Variants in PDE1B observed in about 807,000 individuals in gnomAD.
The protein encoded by PDE1B is dual specificity calcium/calmodulin-dependent 3',5'-cyclic nucleotide phosphodiesterase 1B.
PDE1B carries 13 observed loss-of-function variants against 66.7 expected under a neutral mutation model. The ratio of observed to expected loss-of-function variants is 0.19; its 90% confidence interval spans 0.13 to 0.31. PDE1B has a LOEUF of 0.31. Among genes scored for constraint, PDE1B ranks in the 10% least tolerant of loss-of-function variants. The pLI, the probability that PDE1B is intolerant of heterozygous loss-of-function variation, is 1.00. For synonymous variants in PDE1B, 230 were observed against 253.9 expected, an observed-to-expected ratio of 0.91 and a Z score of 0.90; for missense variants, 485 against 682.3, an observed-to-expected ratio of 0.71 and a Z score of 3.22.
rs957774627 is a variant in PDE1B at position 54,575,240 on chromosome 12, C to T, written c.1185+22C>T. ...TCAGGTAGCGTGGCATCTTTGCCTT[C>T]CCTGTGCCTATGGGGGCCTTCTCTC... On this transcript the variant is annotated intron_variant, in intron 11 of 15. Coordinates refer to ENST00000243052, the MANE Select transcript of PDE1B (RefSeq NM_000924.4). The surrounding 1 kb of genome is among the most constrained non-coding windows in gnomAD (Gnocchi z 4.0). 1.2e-6 allele frequency: 2 copies of T among 1,609,294 alleles called. No homozygotes were observed. Among genetic ancestry groups the T allele is most frequent in the East Asian group, 4.5e-5 (2 of 44,788 alleles).
intron 2 of PDE1B, among the ~76,000 whole-genome samples, chr12:54,559,579 AAAT>A (rs926821060): frequency 2.5e-4 from 38 of 152,272 alleles, no homozygotes; most frequent in Admixed American, 2.0e-3. Context: ...TAGGAAGAGT[AAAT>A]AATAATAACA....
chr12:54,577,779 G>A, intron 15 of PDE1B, 81 bp from the exon 16 acceptor site: 3 of 425,184 alleles, frequency 7.1e-6, no homozygotes, highest in African/African-American at 2.0e-5. Context: ...GACTGAGTGG[G>A]GATCAGGACT....
rs1283608528 is a variant in PDE1B, at chr12:54,579,182, G to T, written c.*1340G>T. Reference sequence around the variant, plus strand: ...GCAGAGACGCATGTGACTCACCCCTGCCCTTGGTTTCCCAGACCCCTGCTA... The same window carrying T: ...GCAGAGACGCATGTGACTCACCCCTTCCCTTGGTTTCCCAGACCCCTGCTA... On this transcript the variant is annotated 3_prime_UTR_variant, in exon 16 of 16. Transcript: ENST00000243052. 16 of 916,482 alleles carry T rather than the reference G, an allele frequency of 1.7e-5. No individual in the cohort carries two copies. The highest frequency in any genetic ancestry group is 2.1e-5 in the Non-Finnish European group (16 of 767,472). 56.8% of individuals were successfully genotyped at this position (916,482 alleles called of 1,614,324 possible). A position where few individuals can be genotyped will look rare whatever the true frequency, so the allele number is the denominator to read the frequency against.
chr12:54,572,437 C>A, intron 6 of PDE1B, 164 bp from the exon 7 acceptor site: 1 of 681,158 alleles, frequency 1.5e-6, no homozygotes, highest in Non-Finnish European at 2.7e-6. Flanking sequence ...GTTGCACAGC[C>A]AGCAGGTGGT....
intron 2 of PDE1B, among the ~76,000 whole-genome samples, chr12:54,566,490 C>T (rs534103933): frequency 6.6e-6 from 1 of 152,222 alleles, no homozygotes; most frequent in Non-Finnish European, 1.5e-5. Flanking sequence ...CCCCACCCCC[C>T]ACACCATGAC....
At chr12:54,566,337 C>G (rs1957515625) in intron 2 of PDE1B, among the ~76,000 whole-genome samples, 1 of 152,184 alleles carries the variant, frequency 6.6e-6, no homozygotes, top group Non-Finnish European at 1.5e-5. Context: ...GTTAACCCGG[C>G]TTTGTCCTGG....
chr12:54,570,093 A>T (rs1327608584), intron 5 of PDE1B, 148 bp from the exon 6 acceptor site: 23 of 640,664 alleles, frequency 3.6e-5, no homozygotes, highest in Middle Eastern at 2.5e-4. Flanking sequence ...TCCCATACTG[A>T]GAGATATATG....
intron 7 of PDE1B, 148 bp downstream of exon 7, chr12:54,572,889 CT>C: frequency 1.2e-6 from 1 of 814,182 alleles, no homozygotes. Context: ...GATTAACTCA[CT>C]CTAGAGAATT....
chr12:54,550,015 GGGA>G, intron 2 of PDE1B, 30 bp downstream of exon 2: 1 of 1,609,036 alleles, frequency 6.2e-7, no homozygotes, highest in Non-Finnish European at 8.5e-7. Context: ...ATGGGGGGAA[GGGA>G]CCTTAGGGAG....
intron 6 of PDE1B, chr12:54,570,740 A>C: frequency 1.0e-5 from 2 of 195,242 alleles, no homozygotes; most frequent in Non-Finnish European, 2.1e-5. Context: ...AAAATTGGCC[A>C]CTCCCTCCCC....
Position 54,575,719 on chromosome 12 carries a change from C to T in PDE1B, c.1267+87C>T. 1.0e-6 allele frequency: 1 copy of T among 985,694 alleles called. No individual in the cohort carries two copies. The highest frequency in any genetic ancestry group is 1.6e-5 in the African/African-American group (1 of 63,248). The allele number at this position is 985,694 out of a possible 1,614,324, so 61.1% of individuals were successfully genotyped here. A position where few individuals can be genotyped will look rare whatever the true frequency, so the allele number is the denominator to read the frequency against. Reference sequence around the variant, plus strand: ...AGGATTGCTCCAAGTCCTCAATCCCCCCAAACCATTCTTCCTGTAGAGGAA... The same window carrying T: ...AGGATTGCTCCAAGTCCTCAATCCCTCCAAACCATTCTTCCTGTAGAGGAA... On this transcript the variant is annotated intron_variant, in intron 12 of 15. Coordinates refer to ENST00000243052, the MANE Select transcript of PDE1B (RefSeq NM_000924.4). This position sits in a 1 kb window ranked among gnomAD's most constrained non-coding sequence, Gnocchi z 4.0.
At position 54,570,249 on chromosome 12, in the gene PDE1B, T is replaced by A; in HGVS notation, c.486T>A (p.Asp162Glu). The change falls in exon 6 of 16, where the codon GAT becomes GAA. Residue 162 changes from aspartate (D) to glutamate (E), a missense_variant. This residue lies in a region of PDE1B where 282 missense variants were observed against 453.4 expected (regional missense o/e 0.62). Transcript: ENST00000243052. ...CTATTGTTTCTCCATAGAACCTGGA[T>A]CTCTGGTGCTTTGATGTCTTTTCCT... ...TAVLNCLKNL[D>E]LWCFDVFSLN... The A allele has an allele frequency of 6.2e-7, 1 of 1,605,716 alleles. No individual in the cohort carries two copies. The highest frequency in any genetic ancestry group is 2.2e-5 in the East Asian group (1 of 44,836).
At position 54,573,027 on chromosome 12, in the gene PDE1B, C is replaced by T; in HGVS notation, c.736-121C>T. On this transcript the variant is annotated intron_variant, in intron 7 of 15. Transcript: ENST00000243052. This position sits in a 1 kb window ranked among gnomAD's most constrained non-coding sequence, Gnocchi z 5.2. ...GAGCTGAGAAACCTGGCTGCATTAACCAAGAGCTGGCCTGGAAGCATGGAA... is the reference window on the plus strand; with the variant it reads ...GAGCTGAGAAACCTGGCTGCATTAATCAAGAGCTGGCCTGGAAGCATGGAA... 1 of 797,104 alleles carries T rather than the reference C, an allele frequency of 1.3e-6. No individual in the cohort carries two copies. The highest frequency in any genetic ancestry group is 2.1e-6 in the Non-Finnish European group (1 of 477,434). The allele number at this position is 797,104 out of a possible 1,614,324, so 49.4% of individuals were successfully genotyped here.
In PDE1B at chr12:54,573,727, GT is replaced by G; in HGVS notation, c.1064+19del. On this transcript the variant is annotated intron_variant, in intron 10 of 15. Transcript: ENST00000243052. The surrounding 1 kb of genome is among the most constrained non-coding windows in gnomAD (Gnocchi z 5.2). The stretch of plus-strand genomic sequence containing the variant: ...CTGGAGAGGTGGCATCTGGTGGGGT[GT>G]GGCTGGGGCCAGGCCAGAGGGAGGG... 1 of 1,594,164 alleles carries G rather than the reference GT, an allele frequency of 6.3e-7. No homozygotes were observed. Among genetic ancestry groups the G allele is most frequent in the Non-Finnish European group, 8.6e-7 (1 of 1,162,072 alleles).
rs940591749 is a variant in PDE1B at position 54,549,706 on chromosome 12, A to G, written c.-80A>G. The G allele has an allele frequency of 3.2e-5, 16 of 507,058 alleles. No individual in the cohort carries two copies. The highest frequency in any genetic ancestry group is 5.2e-4 in the Middle Eastern group (1 of 1,920). The allele number at this position is 507,058 out of a possible 1,614,324, so 31.4% of individuals were successfully genotyped here. A position where few individuals can be genotyped will look rare whatever the true frequency, so the allele number is the denominator to read the frequency against. ...GCAGCGGGAGAGGAGGAGCCGCAGG[A>G]GCTGCAGCTCTGCCAGCTTGGGCCG... is the stretch of plus-strand genomic sequence containing the variant. On this transcript the variant is annotated 5_prime_UTR_variant, in exon 1 of 16. Transcript: ENST00000243052.
At chr12:54,561,728 A>T in intron 2 of PDE1B, 1 of 903,466 alleles carries the variant, frequency 1.1e-6, no homozygotes, top group Non-Finnish European at 1.7e-6. Context: ...AAGTGGAGAG[A>T]TCAAGACCTG....
Position 54,575,026 on chromosome 12 carries a change from A to G in PDE1B, c.1065-72A>G. ...GTTATGTGATAGGGTGTGCGTGGGA[A>G]GTTAGGGAATGGTCCTAACTTCCTT... is the stretch of plus-strand genomic sequence containing the variant. On this transcript the variant is annotated intron_variant, in intron 10 of 15. Coordinates refer to ENST00000243052, the MANE Select transcript of PDE1B (RefSeq NM_000924.4). This position sits in a 1 kb window ranked among gnomAD's most constrained non-coding sequence, Gnocchi z 4.0. 7.4e-7 allele frequency: 1 copy of G among 1,343,000 alleles called. No homozygotes were observed. The highest frequency in any genetic ancestry group is 1.0e-6 in the Non-Finnish European group (1 of 954,070). 83.2% of individuals were successfully genotyped at this position (1,343,000 alleles called of 1,614,324 possible). A position where few individuals can be genotyped will look rare whatever the true frequency, so the allele number is the denominator to read the frequency against.
Position 54,573,138 on chromosome 12 carries a change from C to G in PDE1B, c.736-10C>G. On this transcript the variant is annotated splice_polypyrimidine_tract_variant and intron_variant, in intron 7 of 15. Coordinates refer to ENST00000243052, the MANE Select transcript of PDE1B (RefSeq NM_000924.4). This position sits in a 1 kb window ranked among gnomAD's most constrained non-coding sequence, Gnocchi z 5.2. Reference sequence around the variant, plus strand: ...CACCCCTCTCTCATTCTTTCTCTTTCCTCCTGTAGCACTGCCTGTCGGAGA... The same window carrying G: ...CACCCCTCTCTCATTCTTTCTCTTTGCTCCTGTAGCACTGCCTGTCGGAGA... The G allele has an allele frequency of 1.9e-6, 3 of 1,605,498 alleles. No homozygotes were observed. Among genetic ancestry groups the G allele is most frequent in the Non-Finnish European group, 2.6e-6 (3 of 1,172,198 alleles).
chr12:54,573,379 T>C lies in PDE1B; in HGVS notation c.861T>C (p.Asn287=). 6.2e-7 allele frequency: 1 copy of C among 1,614,176 alleles called. No homozygotes were observed. The highest frequency in any genetic ancestry group is 8.5e-7 in the Non-Finnish European group (1 of 1,180,018). Residue 287 remains asparagine, a synonymous_variant, in exon 9 of 16, where the codon AAT becomes AAC. Coordinates refer to ENST00000243052, the MANE Select transcript of PDE1B (RefSeq NM_000924.4). This position sits in a 1 kb window ranked among gnomAD's most constrained non-coding sequence, Gnocchi z 5.2. ...QTKSECAIVY[N]DRSVLENHHI... ...GGTCAGAATGTGCCATCGTGTACAA[T>C]GATCGTTCAGTGCTGGAGAATCACC...
Sources: gnomAD v4.1 joint callset for allele counts (sites outside exome capture counted in the v4.1 genomes callset) on GRCh38, gnomAD v4.1.1 for gene constraint, gnomAD v4.1.1 regional missense constraint, Gnocchi (gnomAD v3.1) non-coding constraint, MANE v1.5 for transcripts, NCBI Gene and HGNC (gene_info 2026-07-23, HGNC 2026-07-21) for gene names.